NRXN3: variants seen among roughly 807,000 people sequenced by gnomAD.
NRXN3 encodes neurexin 3.
Under a neutral mutation model 137.6 loss-of-function variants are expected in NRXN3, and 32 were observed. The ratio of observed to expected loss-of-function variants is 0.23; its 90% CI spans 0.18 to 0.31. The LOEUF (loss-of-function observed/expected upper bound fraction) is 0.31, where lower values mean the gene tolerates loss of function less well. NRXN3 is among the 10% of genes least tolerant of loss of function. NRXN3 has a pLI of 1.00. For synonymous variants in NRXN3, 798 were observed against 784.5 expected, an observed-to-expected ratio of 1.02 and a Z score of -0.29; for missense variants, 1,574 against 2,062.5, an observed-to-expected ratio of 0.76 and a Z score of 4.59.
chr14:79,505,123 G>A (rs2096864857), intron 16 of NRXN3, among the ~76,000 whole-genome samples: 1 of 151,654 alleles, frequency 6.6e-6, no homozygotes. Context: ...GCCGAGGCAG[G>A]AGAATCGCTT....
intron 15 of NRXN3, among the ~76,000 whole-genome samples, chr14:79,129,374 T>C (rs911705002): frequency 3.3e-5 from 5 of 150,768 alleles, no homozygotes; most frequent in Non-Finnish European, 5.9e-5. Context: ...TCTGGTATGT[T>C]GTGTCTTTGT....
intron 4 of NRXN3, among the ~76,000 whole-genome samples, chr14:78,401,701 A>C (rs370477774): frequency 6.6e-5 from 10 of 152,362 alleles, no homozygotes; most frequent in African/African-American, 2.4e-4. Context: ...TTGCTTGAAC[A>C]AATAGCCAGT....
At chr14:79,233,905 AC>A (rs2072739497) in intron 15 of NRXN3, among the ~76,000 whole-genome samples, 1 of 151,980 alleles carries the variant, frequency 6.6e-6, no homozygotes, top group Non-Finnish European at 1.5e-5. Flanking sequence ...CCAAGTCTAA[AC>A]TGGTTACTAT....
intron 17 of NRXN3, among the ~76,000 whole-genome samples, chr14:79,670,068 A>G (rs2153996507): frequency 6.6e-6 from 1 of 152,076 alleles, no homozygotes; most frequent in Non-Finnish European, 1.5e-5. Flanking sequence ...TTGTTTTATT[A>G]TGTACTTATG....
chr14:79,147,444 G>T (rs2059402389), intron 15 of NRXN3, among the ~76,000 whole-genome samples: 1 of 152,000 alleles, frequency 6.6e-6, no homozygotes, highest in Admixed American at 6.5e-5. Context: ...TGCTGGAAGT[G>T]GGCGATCTTG....
At chr14:78,792,762 T>C (rs1163860845) in intron 8 of NRXN3, among the ~76,000 whole-genome samples, 1 of 152,152 alleles carries the variant, frequency 6.6e-6, no homozygotes, top group Non-Finnish European at 1.5e-5. Flanking sequence ...CACAAAACAA[T>C]GTCTATAAAA....
At chr14:79,341,346 G>A (rs2092601318) in intron 15 of NRXN3, among the ~76,000 whole-genome samples, 1 of 152,152 alleles carries the variant, frequency 6.6e-6, no homozygotes, top group Non-Finnish European at 1.5e-5. Context: ...GTAGGTGTGT[G>A]GGAGAGGCAA....
chr14:79,260,298 T>A (rs1163090836), intron 15 of NRXN3, among the ~76,000 whole-genome samples: 1 of 152,162 alleles, frequency 6.6e-6, no homozygotes, highest in Non-Finnish European at 1.5e-5. Flanking sequence ...TAGCTAAAAC[T>A]GAGTAGTGTT....
chr14:79,657,978 C>T lies in NRXN3; in HGVS notation c.3445-5800C>T, dbSNP rs113663036. Among the ~76,000 whole-genome samples the T allele has an allele frequency of 1.0e-3, 153 of 152,196 alleles. 1 individual carries two copies. The highest frequency in any genetic ancestry group is 3.6e-3 in the African/African-American group (148 of 41,540). On this transcript the variant is annotated intron_variant, in intron 16 of 20. Transcript: ENST00000335750. ...TTCATCATTTATTCATTTCCATATCCATTAATTTAACAAACATTTACTGAG... is the reference window on the plus strand; with the variant it reads ...TTCATCATTTATTCATTTCCATATCTATTAATTTAACAAACATTTACTGAG...
At chr14:78,911,207 G>A (rs1256136682) in intron 10 of NRXN3, among the ~76,000 whole-genome samples, 2 of 152,070 alleles carry the variant, frequency 1.3e-5, no homozygotes, top group Non-Finnish European at 2.9e-5. Flanking sequence ...TTTTATAAAT[G>A]AGAAAGCTGA....
intron 10 of NRXN3, among the ~76,000 whole-genome samples, chr14:78,896,591 G>T (rs1227952654): frequency 6.6e-6 from 1 of 151,826 alleles, no homozygotes; most frequent in East Asian, 1.9e-4. Context: ...AGGGAGAAGA[G>T]AGATCAACAT....
chr14:79,427,978 T>C (rs1800555184), intron 15 of NRXN3, among the ~76,000 whole-genome samples: 1 of 152,130 alleles, frequency 6.6e-6, no homozygotes, highest in Non-Finnish European at 1.5e-5. Flanking sequence ...ATTCCCACGT[T>C]CTGCACGTGT....
intron 15 of NRXN3, among the ~76,000 whole-genome samples, chr14:79,029,418 G>A (rs1056081130): frequency 2.0e-5 from 3 of 152,056 alleles, no homozygotes; most frequent in African/African-American, 4.8e-5. Flanking sequence ...TTCCTGCCCC[G>A]ACACCCAAAA....
chr14:79,199,269 T>C (rs1339011645), intron 15 of NRXN3, among the ~76,000 whole-genome samples: 1 of 152,198 alleles, frequency 6.6e-6, no homozygotes, highest in African/African-American at 2.4e-5. Context: ...GTCTCTCTAT[T>C]TTTACCTTAT....
At chr14:79,490,123 A>G (rs1038749215) in intron 16 of NRXN3, among the ~76,000 whole-genome samples, 4 of 151,840 alleles carry the variant, frequency 2.6e-5, no homozygotes, top group Non-Finnish European at 4.4e-5. Context: ...CAAATATTCT[A>G]TGAGAATAAA....
intron 4 of NRXN3, among the ~76,000 whole-genome samples, chr14:78,606,606 A>G (rs2097255174): frequency 6.6e-6 from 1 of 152,192 alleles, no homozygotes; most frequent in Non-Finnish European, 1.5e-5. Context: ...ATTGAAATCT[A>G]TATTTCTGGA....
chr14:79,306,677 T>G (rs2153225967), intron 15 of NRXN3, among the ~76,000 whole-genome samples: 1 of 152,204 alleles, frequency 6.6e-6, no homozygotes, highest in South Asian at 2.1e-4. Flanking sequence ...ATGCTAGCTT[T>G]CTACTTTTCC....
At chr14:79,762,405 G>A (rs1443702047) in intron 19 of NRXN3, among the ~76,000 whole-genome samples, 1 of 151,532 alleles carries the variant, frequency 6.6e-6, no homozygotes, top group Non-Finnish European at 1.5e-5. Context: ...GAAATGTAAA[G>A]GTATTATAAA....
At position 78,652,061 on chromosome 14, in the gene NRXN3, A is replaced by T. The variant is rs564885210; in HGVS notation, c.1221+735A>T. Among the ~76,000 whole-genome samples, 5 of 152,348 alleles carry T rather than the reference A, an allele frequency of 3.3e-5. No individual in the cohort carries two copies. The South Asian group carries it at 1.0e-3, about 32-fold the overall frequency. On this transcript the variant is annotated intron_variant, in intron 6 of 20. Transcript: ENST00000335750. The stretch of plus-strand genomic sequence containing the variant: ...TGCAAAGTTTGATTTTGTGATTTTG[A>T]CCTGGCAAATAGGAAAGCTCTAGCT...
Sources: allele counts gnomAD v4.1 joint callset (sites outside exome capture counted in the v4.1 genomes callset), GRCh38; gene constraint gnomAD v4.1.1; transcripts MANE v1.5; gene names NCBI Gene and HGNC (gene_info 2026-07-23, HGNC 2026-07-21).